The following LIN7A variants were observed in gnomAD, a reference collection of about 807,000 sequenced individuals.
The protein encoded by LIN7A is protein lin-7 homolog A.
A neutral mutation model predicts 29.8 loss-of-function variants in LIN7A; 25 were observed. The observed-to-expected ratio is 0.84, with a 90% CI of 0.61 to 1.17. The LOEUF (loss-of-function observed/expected upper bound fraction) is 1.17. Among genes scored for constraint, LIN7A ranks in the 50% most tolerant of loss-of-function variants. The pLI is 0.00. For synonymous variants in LIN7A, 118 were observed against 107.5 expected, an observed-to-expected ratio of 1.10 and a Z score of -0.60; for missense variants, 239 against 287.0, an observed-to-expected ratio of 0.83 and a Z score of 1.21.
chr12:80,829,676 A>G (rs1016870154), intron 4 of LIN7A, among the ~76,000 whole-genome samples: 2 of 152,208 alleles, frequency 1.3e-5, no homozygotes, highest in Non-Finnish European at 2.9e-5. Context: ...CAGTTGACCT[A>G]GGAATTTTTC....
In LIN7A at chr12:80,793,344, C is replaced by T. The variant is rs1015900169; in HGVS notation, c.*4383G>A. 2.6e-5 allele frequency: 4 copies of T among 152,112 alleles called. No homozygotes were observed. The highest frequency in any genetic ancestry group is 7.2e-5 in the African/African-American group (3 of 41,420). 9.4% of individuals were successfully genotyped at this position (152,112 alleles called of 1,614,324 possible). ...CTTACCTACCTCACTGGGGTATAAC[C>T]GTGGTTTATAGATAAACTAAGCAGC... is the stretch of plus-strand genomic sequence containing the variant. On this transcript the variant is annotated 3_prime_UTR_variant, in exon 6 of 6. Coordinates refer to ENST00000552864, the MANE Select transcript of LIN7A (RefSeq NM_004664.4).
chr12:80,830,764 A>T (rs1872308788), intron 4 of LIN7A, among the ~76,000 whole-genome samples: 1 of 152,236 alleles, frequency 6.6e-6, no homozygotes, highest in Admixed American at 6.5e-5. Context: ...CTCGAATGCC[A>T]GTGCCCTTCA....
intron 1 of LIN7A, among the ~76,000 whole-genome samples, chr12:80,913,336 C>G (rs1442406680): frequency 6.6e-6 from 1 of 152,200 alleles, no homozygotes; most frequent in Admixed American, 6.5e-5. Context: ...CGCTTTTCAG[C>G]CTTTTAGCCA....
chr12:80,874,429 T>C (rs1874580592), intron 2 of LIN7A, among the ~76,000 whole-genome samples: 1 of 152,240 alleles, frequency 6.6e-6, no homozygotes, highest in African/African-American at 2.4e-5. Context: ...ACTGTTTTGA[T>C]GAAATAATGC....
chr12:80,822,965 G>T (rs1363223484), intron 4 of LIN7A, among the ~76,000 whole-genome samples: 1 of 152,132 alleles, frequency 6.6e-6, no homozygotes, highest in Non-Finnish European at 1.5e-5. Context: ...GTCTGCCTAT[G>T]GACCAATCAG....
chr12:80,918,216 AT>A (rs112260352), intron 1 of LIN7A, among the ~76,000 whole-genome samples: 9,820 of 150,192 alleles, frequency 0.065, 337 homozygotes, highest in Middle Eastern at 0.086. Context: ...CCTGGCTGAT[AT>A]TTTTTTTTAT....
At chr12:80,838,972 ACT>A (rs1256820747) in intron 4 of LIN7A, among the ~76,000 whole-genome samples, 1 of 152,104 alleles carries the variant, frequency 6.6e-6, no homozygotes, top group East Asian at 1.9e-4. Flanking sequence ...TTCAAACCAA[ACT>A]CTTCACACAT....
chr12:80,901,449 A>T (rs1565922001), intron 1 of LIN7A, among the ~76,000 whole-genome samples: 1 of 152,168 alleles, frequency 6.6e-6, no homozygotes, highest in African/African-American at 2.4e-5. Context: ...AATATATACC[A>T]GTTGTAATAT....
At chr12:80,823,098 T>C (rs557085294) in intron 4 of LIN7A, among the ~76,000 whole-genome samples, 26 of 152,326 alleles carry the variant, frequency 1.7e-4, no homozygotes, top group Admixed American at 1.5e-3. Flanking sequence ...AGCTGTTCTG[T>C]TGCTCAATAA....
intron 4 of LIN7A, among the ~76,000 whole-genome samples, chr12:80,822,750 T>C (rs1193135333): frequency 6.6e-6 from 1 of 151,984 alleles, no homozygotes; most frequent in East Asian, 1.9e-4. Context: ...GGCACAGGAC[T>C]GTAGGTGTCT....
At chr12:80,844,323 T>C (rs1186846297) in intron 4 of LIN7A, among the ~76,000 whole-genome samples, 2 of 152,166 alleles carry the variant, frequency 1.3e-5, no homozygotes, top group African/African-American at 4.8e-5. Context: ...AAAATATTCA[T>C]GGGTTGAGAA....
At chr12:80,835,431 C>A (rs138510852) in intron 4 of LIN7A, among the ~76,000 whole-genome samples, 48 of 152,148 alleles carry the variant, frequency 3.2e-4, no homozygotes, top group Non-Finnish European at 6.5e-4. Flanking sequence ...CATAATCAAC[C>A]CACCAATGAC....
chr12:80,841,853 G>T, intron 4 of LIN7A: 2 of 989,238 alleles, frequency 2.0e-6, no homozygotes, highest in Non-Finnish European at 2.4e-6. Flanking sequence ...GAGATCATTA[G>T]AAAGCTATAA....
intron 1 of LIN7A, among the ~76,000 whole-genome samples, chr12:80,892,879 T>C (rs1875698053): frequency 1.3e-5 from 2 of 152,280 alleles, no homozygotes; most frequent in African/African-American, 2.4e-5. Context: ...GATTCTAATA[T>C]GCAGCCAGGG....
intron 4 of LIN7A, among the ~76,000 whole-genome samples, chr12:80,835,459 T>C (rs1872558369): frequency 6.6e-6 from 1 of 152,178 alleles, no homozygotes; most frequent in African/African-American, 2.4e-5. Context: ...CAATTTCCTC[T>C]GAAATTAGAG....
chr12:80,865,472 G>A (rs140215960), intron 2 of LIN7A, among the ~76,000 whole-genome samples: 23 of 152,292 alleles, frequency 1.5e-4, no homozygotes, highest in Admixed American at 4.6e-4. Context: ...GAGCAATGGA[G>A]AAGAGGGATG....
intron 2 of LIN7A, among the ~76,000 whole-genome samples, chr12:80,887,034 A>G (rs917865065): frequency 6.6e-6 from 1 of 152,080 alleles, no homozygotes; most frequent in Non-Finnish European, 1.5e-5. Flanking sequence ...TCCGTAACAG[A>G]GCTCCTGGAT....
chr12:80,862,951 T>C (rs533370935), intron 2 of LIN7A, among the ~76,000 whole-genome samples: 33 of 152,372 alleles, frequency 2.2e-4, no homozygotes, highest in African/African-American at 7.7e-4. Flanking sequence ...AATGCCAGAC[T>C]ATACTCTTCA....
Sources: allele counts gnomAD v4.1 joint callset (sites outside exome capture counted in the v4.1 genomes callset), GRCh38; gene constraint gnomAD v4.1.1; transcripts MANE v1.5; gene names NCBI Gene and HGNC (gene_info 2026-07-23, HGNC 2026-07-21).